Variants in FHIT observed in about 807,000 individuals in gnomAD.
FHIT encodes bis(5'-adenosyl)-triphosphatase.
A neutral mutation model predicts 17.9 loss-of-function variants in FHIT; 19 were observed. That is an observed-to-expected ratio of 1.06 (90% CI 0.74 to 1.56). The LOEUF is 1.56. FHIT is among the 40% of genes most tolerant of loss of function. FHIT has a pLI of 0.00. For missense variants in FHIT, 248 were observed against 189.2 expected (o/e 1.31, Z -1.82); for synonymous variants, 81 against 69.7 (o/e 1.16, Z -0.81).
At chr3:60,091,550 T>C (rs1703732220) in intron 5 of FHIT, among the ~76,000 whole-genome samples, 1 of 152,144 alleles carries the variant, frequency 6.6e-6, no homozygotes, top group Non-Finnish European at 1.5e-5. Flanking sequence ...GTGGGTTTAC[T>C]GTATGATATG....
intron 3 of FHIT, among the ~76,000 whole-genome samples, chr3:61,006,462 AT>A (rs942779087): frequency 1.6e-4 from 25 of 152,194 alleles, no homozygotes; most frequent in Admixed American, 2.0e-4. Context: ...GGTGAGAAAT[AT>A]TTTAGGGATG....
chr3:60,934,931 C>T (rs1553772718), intron 3 of FHIT, among the ~76,000 whole-genome samples: 3 of 152,124 alleles, frequency 2.0e-5, no homozygotes, highest in Admixed American at 6.6e-5. Context: ...CGGAAAGTGC[C>T]CCTCCTGGCT....
chr3:60,847,778 T>C (rs1409042007), intron 3 of FHIT, among the ~76,000 whole-genome samples: 1 of 152,148 alleles, frequency 6.6e-6, no homozygotes, highest in Non-Finnish European at 1.5e-5. Context: ...AGAAGGAAAG[T>C]CAAATGAATT....
chr3:60,782,237 G>GTATATATATATATATA (rs11272366), intron 4 of FHIT, among the ~76,000 whole-genome samples: 26 of 95,528 alleles, frequency 2.7e-4, no homozygotes, highest in African/African-American at 8.5e-4. Flanking sequence ...GTGTGTGTGT[G>GTATATATATATATATA]TATATATATA....
rs937550076 is a variant in FHIT, at chr3:60,600,664, A to G, written c.-17-63685T>C. 3.9e-5 allele frequency among the ~76,000 whole-genome samples: 6 copies of G among 152,288 alleles called. No individual in the cohort carries two copies. The South Asian group carries it at 6.2e-4, about 16-fold the overall frequency. Reference sequence around the variant, plus strand: ...GGTACTAATCAAAGAAGGTAAGTAGACAGATTTCTGAAGTTTCTCAGAACT... The same window carrying G: ...GGTACTAATCAAAGAAGGTAAGTAGGCAGATTTCTGAAGTTTCTCAGAACT... On this transcript the variant is annotated intron_variant, in intron 4 of 9. Coordinates refer to ENST00000492590, the MANE Select transcript of FHIT (RefSeq NM_002012.4).
At chr3:60,016,740 T>G (rs1448580169) in intron 5 of FHIT, among the ~76,000 whole-genome samples, 2 of 152,126 alleles carry the variant, frequency 1.3e-5, no homozygotes, top group Non-Finnish European at 1.5e-5. Context: ...CATTTTACAT[T>G]TCACCTTTTA....
chr3:60,157,651 A>C (rs1190403165), intron 5 of FHIT, among the ~76,000 whole-genome samples: 3 of 152,208 alleles, frequency 2.0e-5, no homozygotes, highest in Non-Finnish European at 4.4e-5. Flanking sequence ...CTAAAAAGCA[A>C]ATTACCCTGT....
chr3:59,879,686 A>G (rs1486184641), intron 8 of FHIT, among the ~76,000 whole-genome samples: 1 of 152,208 alleles, frequency 6.6e-6, no homozygotes, highest in Non-Finnish European at 1.5e-5. Context: ...AGTTAATAAC[A>G]CAGTCTGGAT....
intron 8 of FHIT, among the ~76,000 whole-genome samples, chr3:59,764,136 T>C (rs368552588): frequency 2.6e-5 from 4 of 152,148 alleles, no homozygotes; most frequent in Non-Finnish European, 4.4e-5. Context: ...TCACACACCC[T>C]AACATCAGCC....
chr3:61,068,284 G>A (rs1158007630), intron 2 of FHIT, among the ~76,000 whole-genome samples: 6 of 152,280 alleles, frequency 3.9e-5, no homozygotes, highest in East Asian at 3.9e-4. Flanking sequence ...TGCTCATTCC[G>A]GTTGTTGGCA....
At chr3:60,082,940 G>C (rs1257312237) in intron 5 of FHIT, among the ~76,000 whole-genome samples, 1 of 152,202 alleles carries the variant, frequency 6.6e-6, no homozygotes, top group African/African-American at 2.4e-5. Flanking sequence ...TCTGTTGGTA[G>C]TTTCTTTTGC....
chr3:60,359,871 T>G (rs932839808), intron 5 of FHIT, among the ~76,000 whole-genome samples: 1 of 151,500 alleles, frequency 6.6e-6, no homozygotes, highest in African/African-American at 2.4e-5. Flanking sequence ...GTCAATAAAA[T>G]CCAACAATGA....
rs145083348 is a variant in FHIT, at chr3:61,202,236, C to T, written c.-212-1571G>A. Among the ~76,000 whole-genome samples, 570 of 149,892 alleles carry T rather than the reference C, an allele frequency of 3.8e-3. 3 individuals carry two copies. Among genetic ancestry groups the T allele is most frequent in the African/African-American group, 0.013 (544 of 40,566 alleles). On this transcript the variant is annotated intron_variant, in intron 1 of 9. Coordinates refer to ENST00000492590, the MANE Select transcript of FHIT (RefSeq NM_002012.4). ...TGGCCAACTGACTGGGAGTGAGGAG[C>T]GCCTCTGCCCGGCCGCCCAACTATC...
At chr3:59,819,844 A>G (rs1700728142) in intron 8 of FHIT, among the ~76,000 whole-genome samples, 1 of 152,222 alleles carries the variant, frequency 6.6e-6, no homozygotes, top group Admixed American at 6.5e-5. Flanking sequence ...TGATTAAGAC[A>G]TGGGGGCTCT....
intron 2 of FHIT, among the ~76,000 whole-genome samples, chr3:61,072,229 G>C (rs1187100324): frequency 6.6e-6 from 1 of 152,102 alleles, no homozygotes; most frequent in Non-Finnish European, 1.5e-5. Flanking sequence ...CTTTCTAATA[G>C]GATCTGACTT....
chr3:60,547,459 A>G (rs2036405144), intron 4 of FHIT, among the ~76,000 whole-genome samples: 1 of 152,178 alleles, frequency 6.6e-6, no homozygotes. Flanking sequence ...TAAATGAAAA[A>G]AAAGGTCTCA....
At chr3:61,107,882 G>A (rs2036036863) in intron 2 of FHIT, among the ~76,000 whole-genome samples, 1 of 152,192 alleles carries the variant, frequency 6.6e-6, no homozygotes, top group Non-Finnish European at 1.5e-5. Flanking sequence ...TATTTGAACA[G>A]AGTTCAAACA....
intron 4 of FHIT, among the ~76,000 whole-genome samples, chr3:60,568,203 G>C (rs560612730): frequency 6.6e-6 from 1 of 152,146 alleles, no homozygotes; most frequent in South Asian, 2.1e-4. Context: ...ACTTGGAACT[G>C]ACCCACATGT....
intron 5 of FHIT, among the ~76,000 whole-genome samples, chr3:60,294,385 G>A (rs901403863): frequency 6.6e-5 from 10 of 152,120 alleles, no homozygotes; most frequent in Admixed American, 1.3e-4. Flanking sequence ...GCCCTCCAGA[G>A]GAACCCAGGT....
Sources: allele counts gnomAD v4.1 joint callset (sites outside exome capture counted in the v4.1 genomes callset), GRCh38; gene constraint gnomAD v4.1.1; transcripts MANE v1.5; gene names NCBI Gene and HGNC (gene_info 2026-07-23, HGNC 2026-07-21).